GDE1: variants seen among roughly 807,000 people sequenced by gnomAD.
The protein encoded by GDE1 is RGS16-interacting membrane protein.
In GDE1, 24 loss-of-function variants were observed where a neutral mutation model predicts 32.2. That is an observed-to-expected ratio of 0.75 (90% CI 0.54 to 1.05). The LOEUF is 1.05. GDE1 is among the 50% of genes least tolerant of loss of function. GDE1 has a pLI of 0.00. For missense variants in GDE1, 380 were observed against 415.0 expected (o/e 0.92, Z 0.73); for synonymous variants, 159 against 158.6 (o/e 1.00, Z -0.02).
chr16:19,520,457 C>T (rs1969436318), intron 1 of GDE1, among the ~76,000 whole-genome samples: 1 of 150,420 alleles, frequency 6.6e-6, no homozygotes. Flanking sequence ...GGCATGATGG[C>T]TCATGCCTGT....
At position 19,521,809 on chromosome 16, in the gene GDE1, A is replaced by G. The variant is rs142292419; in HGVS notation, c.156T>C (p.Ser52=). The G allele has an allele frequency of 8.8e-3, 14,128 of 1,611,592 alleles. 80 individuals carry two copies. The highest frequency in any genetic ancestry group is 0.01 in the South Asian group (918 of 90,616). Residue 52 remains serine, a synonymous_variant, in exon 1 of 6, where the codon TCT becomes TCC. Coordinates refer to ENST00000353258, the MANE Select transcript of GDE1 (RefSeq NM_016641.4). ...GCTTGAGCACCTGCAGGGCCCTGCAAGAGGGCACCGGCTCAAAGCTGAAGA... is the reference window on the plus strand; with the variant it reads ...GCTTGAGCACCTGCAGGGCCCTGCAGGAGGGCACCGGCTCAAAGCTGAAGA... ...LRVFSFEPVP[S]CRALQVLKPR... is the part of the protein sequence containing the mutation.
At chr16:19,519,578 T>C (rs1969424039) in intron 1 of GDE1, among the ~76,000 whole-genome samples, 1 of 152,164 alleles carries the variant, frequency 6.6e-6, no homozygotes, top group African/African-American at 2.4e-5. Context: ...ATTTGCTTTA[T>C]TGACTATTTA....
chr16:19,504,284 G>C (rs1432532294), intron 5 of GDE1: 1 of 153,408 alleles, frequency 6.5e-6, no homozygotes, highest in Non-Finnish European at 1.5e-5. Context: ...TCATGGCTTT[G>C]ATTCTTTACC....
chr16:19,510,774 G>T, intron 3 of GDE1, 65 bp downstream of exon 3: 3 of 698,932 alleles, frequency 4.3e-6, no homozygotes, highest in South Asian at 4.5e-5. Flanking sequence ...ATGTAACTTC[G>T]GAAATGACCG....
chr16:19,503,112 A>C lies in GDE1; in HGVS notation c.*358T>G, dbSNP rs570056516. 31 of 205,520 alleles carry C rather than the reference A, an allele frequency of 1.5e-4. No individual in the cohort carries two copies. In the South Asian group the frequency reaches 2.4e-3, roughly 16 times the overall value. The allele number at this position is 205,520 out of a possible 1,614,324, so 12.7% of individuals were successfully genotyped here. A position where few individuals can be genotyped will look rare whatever the true frequency, so the allele number is the denominator to read the frequency against. On this transcript the variant is annotated 3_prime_UTR_variant, in exon 6 of 6. Coordinates refer to ENST00000353258, the MANE Select transcript of GDE1 (RefSeq NM_016641.4). ...AAGTGTGGCAAGTTTTAAAATGTCA[A>C]CTCTGAGTTATCATGCATGTCCCAT... is the stretch of plus-strand genomic sequence containing the variant.
chr16:19,516,978 C>G, intron 2 of GDE1, 36 bp downstream of exon 2: 1 of 1,578,290 alleles, frequency 6.3e-7, no homozygotes, highest in Non-Finnish European at 8.7e-7. Flanking sequence ...CCAATAAAAG[C>G]TAAAAGATCT....
At chr16:19,510,979 A>G in intron 2 of GDE1, 35 bp from the exon 3 acceptor site, 2 of 1,039,272 alleles carry the variant, frequency 1.9e-6, no homozygotes. Context: ...GTAGGAAAAA[A>G]GAGAAACAGA....
chr16:19,512,927 T>TTTTGTGTGTGTGTGTGTGTGTGTGTTTG (rs3222404), intron 2 of GDE1, among the ~76,000 whole-genome samples: 2 of 137,006 alleles, frequency 1.5e-5, no homozygotes, highest in Non-Finnish European at 3.1e-5. Context: ...TGTATCTGTT[T>TTTTGTGTGTGTGTGTGTGTGTGTGTTTG]TGTGTGTGTG....
intron 2 of GDE1, among the ~76,000 whole-genome samples, chr16:19,512,790 C>T (rs1969334002): frequency 6.6e-6 from 1 of 152,008 alleles, no homozygotes; most frequent in Non-Finnish European, 1.5e-5. Context: ...ATCCAGTTTA[C>T]CCAGTACCAG....
chr16:19,504,520 G>A (rs901112834), intron 5 of GDE1: 1 of 191,446 alleles, frequency 5.2e-6, no homozygotes, highest in Non-Finnish European at 1.1e-5. Flanking sequence ...AACATAAGAC[G>A]GTAGTGGGGA....
intron 4 of GDE1, 71 bp from the exon 5 acceptor site, chr16:19,505,163 C>CA: frequency 3.8e-6 from 4 of 1,054,750 alleles, no homozygotes; most frequent in Middle Eastern, 2.0e-4. Flanking sequence ...TTAGATTTAG[C>CA]CAATGTGCTC....
At chr16:19,516,047 G>C (rs1969376642) in intron 2 of GDE1, among the ~76,000 whole-genome samples, 1 of 152,206 alleles carries the variant, frequency 6.6e-6, no homozygotes, top group Non-Finnish European at 1.5e-5. Context: ...AGAATCAGCT[G>C]ATGTGGACTG....
chr16:19,508,036 G>A (rs1397774498), intron 3 of GDE1, among the ~76,000 whole-genome samples: 5 of 152,144 alleles, frequency 3.3e-5, no homozygotes, highest in Non-Finnish European at 7.4e-5. Flanking sequence ...GAATACTTTT[G>A]AAAAGTGTGG....
At chr16:19,520,383 C>A (rs1969434118) in intron 1 of GDE1, among the ~76,000 whole-genome samples, 1 of 137,204 alleles carries the variant, frequency 7.3e-6, no homozygotes, top group Non-Finnish European at 1.5e-5. Flanking sequence ...GCCTGGGAGA[C>A]AGTGAGACTT....
At position 19,522,096 on chromosome 16, in the gene GDE1, A is replaced by G; in HGVS notation, c.-132T>C. On this transcript the variant is annotated 5_prime_UTR_variant, in exon 1 of 6. Coordinates refer to ENST00000353258, the MANE Select transcript of GDE1 (RefSeq NM_016641.4). ...CCCTCTGAGGGGACCAGCGCCGCAC[A>G]ATGGCGGCAGCAGACACATCCAGAG... 1 of 919,630 alleles carries G rather than the reference A, an allele frequency of 1.1e-6. No homozygotes were observed. The highest frequency in any genetic ancestry group is 1.6e-6 in the Non-Finnish European group (1 of 632,008). 57.0% of individuals were successfully genotyped at this position (919,630 alleles called of 1,614,324 possible). A position where few individuals can be genotyped will look rare whatever the true frequency, so the allele number is the denominator to read the frequency against.
intron 3 of GDE1, among the ~76,000 whole-genome samples, chr16:19,509,923 T>C (rs1421420140): frequency 6.6e-6 from 1 of 152,006 alleles, no homozygotes; most frequent in Admixed American, 6.6e-5. Context: ...AGTGCTGGGA[T>C]TACAGGTGTG....
intron 3 of GDE1, among the ~76,000 whole-genome samples, chr16:19,509,085 C>T (rs1461007921): frequency 6.6e-6 from 1 of 152,118 alleles, no homozygotes; most frequent in Non-Finnish European, 1.5e-5. Context: ...GCGGATCACT[C>T]GAGGCCAGGA....
intron 3 of GDE1, among the ~76,000 whole-genome samples, chr16:19,510,617 T>C (rs1449984432): frequency 2.0e-5 from 3 of 152,200 alleles, no homozygotes; most frequent in Non-Finnish European, 4.4e-5. Flanking sequence ...TTCCATTTTA[T>C]GCTGGTTTTG....
intron 2 of GDE1, among the ~76,000 whole-genome samples, chr16:19,513,213 G>A (rs549689401): frequency 1.0e-3 from 153 of 152,096 alleles, no homozygotes; most frequent in African/African-American, 3.6e-3. Flanking sequence ...GGTCACTTTA[G>A]GAATATTAAT....
Sources: allele counts gnomAD v4.1 joint callset (sites outside exome capture counted in the v4.1 genomes callset), GRCh38; gene constraint gnomAD v4.1.1; transcripts MANE v1.5; gene names NCBI Gene and HGNC (gene_info 2026-07-23, HGNC 2026-07-21).